Variants in PPARGC1A observed in about 807,000 individuals in gnomAD.
The protein encoded by PPARGC1A is PPARG coactivator 1 alpha, also known as peroxisome proliferator-activated receptor gamma coactivator 1-alpha.
In PPARGC1A, 25 loss-of-function variants were observed where a neutral mutation model predicts 88.7. The observed-to-expected ratio is 0.28, with a 90% CI of 0.21 to 0.39. PPARGC1A has a LOEUF of 0.39. PPARGC1A is among the 10% of genes least tolerant of loss of function. PPARGC1A has a pLI of 1.00. For missense variants in PPARGC1A, 880 were observed against 968.7 expected, an observed-to-expected ratio of 0.91 and a Z score of 1.22; for synonymous variants, 363 against 355.6, an observed-to-expected ratio of 1.02 and a Z score of -0.24.
At chr4:24,217,311 G>A in the PPARGC1A span, among the ~76,000 whole-genome samples, 1 of 152,202 alleles carries the variant, frequency 6.6e-6, no homozygotes, top group Non-Finnish European at 1.5e-5. Flanking sequence ...AGCAATTGTA[G>A]GAACCTAATA....
At chr4:23,948,444 C>T in the PPARGC1A span, among the ~76,000 whole-genome samples, 1 of 152,116 alleles carries the variant, frequency 6.6e-6, no homozygotes, top group African/African-American at 2.4e-5. Flanking sequence ...TTCTACAGTT[C>T]TGAGAGGCAG....
chr4:23,827,579 G>A (rs1724188372), intron 5 of PPARGC1A, among the ~76,000 whole-genome samples: 1 of 152,142 alleles, frequency 6.6e-6, no homozygotes, highest in African/African-American at 2.4e-5. Flanking sequence ...TTGAGAAGGA[G>A]GAGCCTAAAA....
the PPARGC1A span, among the ~76,000 whole-genome samples, chr4:24,030,518 G>C: frequency 6.6e-6 from 1 of 152,170 alleles, no homozygotes; most frequent in Non-Finnish European, 1.5e-5. Context: ...CTTTTGAGCT[G>C]TATACCATCT....
chr4:24,471,655 G>GC, the PPARGC1A span, among the ~76,000 whole-genome samples: 5 of 152,158 alleles, frequency 3.3e-5, no homozygotes, highest in Admixed American at 6.5e-5. The surrounding 1 kb of genome is among the most constrained non-coding windows in gnomAD (Gnocchi z 5.4). Flanking sequence ...GCGTCCCTGG[G>GC]CCCCCCGAGT....
At chr4:24,157,608 A>T in the PPARGC1A span, among the ~76,000 whole-genome samples, 2 of 152,108 alleles carry the variant, frequency 1.3e-5, no homozygotes, top group South Asian at 4.1e-4. Flanking sequence ...CTTCTTCCTA[A>T]CTCAATAAAC....
chr4:24,118,243 CA>C, the PPARGC1A span, among the ~76,000 whole-genome samples: 1 of 152,136 alleles, frequency 6.6e-6, no homozygotes, highest in Non-Finnish European at 1.5e-5. Flanking sequence ...TGGGCCAAGG[CA>C]GGGACTCCAG....
the PPARGC1A span, among the ~76,000 whole-genome samples, chr4:24,018,274 T>C: frequency 1.3e-5 from 2 of 152,234 alleles, no homozygotes; most frequent in Non-Finnish European, 1.5e-5. Context: ...TCTTGCTTTT[T>C]CTCCCTGAAC....
chr4:23,964,094 T>A, the PPARGC1A span, among the ~76,000 whole-genome samples: 1 of 152,214 alleles, frequency 6.6e-6, no homozygotes, highest in African/African-American at 2.4e-5. Context: ...TTCCTTACAA[T>A]ACAAGTTCAA....
chr4:23,926,449 G>A, the PPARGC1A span, among the ~76,000 whole-genome samples: 1 of 152,046 alleles, frequency 6.6e-6, no homozygotes, highest in Non-Finnish European at 1.5e-5. Flanking sequence ...CCTAGTTCAA[G>A]CCAGCGATCT....
chr4:23,942,072 T>G, the PPARGC1A span, among the ~76,000 whole-genome samples: 1 of 151,338 alleles, frequency 6.6e-6, no homozygotes, highest in Admixed American at 6.6e-5. Context: ...TGAAAGATAG[T>G]GGGAAAAAAA....
chr4:24,108,216 G>A, the PPARGC1A span, among the ~76,000 whole-genome samples: 1 of 152,084 alleles, frequency 6.6e-6, no homozygotes, highest in Non-Finnish European at 1.5e-5. Flanking sequence ...GAGAAGAGAG[G>A]GTTGAGGTCT....
the PPARGC1A span, among the ~76,000 whole-genome samples, chr4:24,186,267 T>G: frequency 6.6e-6 from 1 of 152,094 alleles, no homozygotes; most frequent in African/African-American, 2.4e-5. Flanking sequence ...TGTCTCAGGA[T>G]GCAAAGAGGA....
chr4:23,858,044 T>C (rs987510558), intron 2 of PPARGC1A, among the ~76,000 whole-genome samples: 1 of 151,992 alleles, frequency 6.6e-6, no homozygotes, highest in Admixed American at 6.6e-5. Context: ...AATACTACTA[T>C]GGCTTTCCGT....
the PPARGC1A span, among the ~76,000 whole-genome samples, chr4:23,941,827 A>G: frequency 6.6e-6 from 1 of 152,316 alleles, no homozygotes; most frequent in South Asian, 2.1e-4. Flanking sequence ...CCAAGCCACA[A>G]CACTAACCAC....
At chr4:24,077,800 T>G in the PPARGC1A span, among the ~76,000 whole-genome samples, 1 of 152,038 alleles carries the variant, frequency 6.6e-6, no homozygotes, top group Non-Finnish European at 1.5e-5. Context: ...ATCTGTTATA[T>G]CTTTCTGAAA....
chr4:23,925,975 T>C, the PPARGC1A span, among the ~76,000 whole-genome samples: 1 of 152,168 alleles, frequency 6.6e-6, no homozygotes, highest in Non-Finnish European at 1.5e-5. Context: ...TAAGACCGTA[T>C]TTCTACCCGA....
chr4:23,874,371 G>A (rs1010510657), intron 2 of PPARGC1A, among the ~76,000 whole-genome samples: 4 of 152,128 alleles, frequency 2.6e-5, no homozygotes, highest in Non-Finnish European at 5.9e-5. Context: ...ATGGATTGAC[G>A]ATGACCTATG....
rs6850405 is a variant in PPARGC1A, at chr4:23,857,720, C to T, written c.235-25969G>A. 2.4e-3 allele frequency among the ~76,000 whole-genome samples: 372 copies of T among 151,908 alleles called. 1 individual carries two copies. Among genetic ancestry groups the T allele is most frequent in the Non-Finnish European group, 4.1e-3 (277 of 67,976 alleles). On this transcript the variant is annotated intron_variant, in intron 2 of 12. Transcript: ENST00000264867. ...TATCCCTCCTTGACTGGATACACAC[C>T]GAGAGCCAGTAAGCAAAAGCCTCAC...
At chr4:24,440,379 C>T in the PPARGC1A span, among the ~76,000 whole-genome samples, 219 of 152,238 alleles carry the variant, frequency 1.4e-3, no homozygotes, top group African/African-American at 4.7e-3. Flanking sequence ...AGAGCAATAC[C>T]GACCCCATGG....
Sources: allele counts gnomAD v4.1 joint callset (sites outside exome capture counted in the v4.1 genomes callset), GRCh38; gene constraint gnomAD v4.1.1; non-coding constraint Gnocchi (gnomAD v3.1); transcripts MANE v1.5; gene names NCBI Gene and HGNC (gene_info 2026-07-23, HGNC 2026-07-21).